Variants in HIVEP3 observed in about 807,000 individuals in gnomAD.
HIVEP3 encodes transcription factor HIVEP3.
In HIVEP3, 49 loss-of-function variants were observed where a neutral mutation model predicts 152.8. That is an observed-to-expected ratio of 0.32 (90% CI 0.26 to 0.41). The LOEUF is 0.41. Ranked by LOEUF, HIVEP3 falls within the 10% of genes least tolerant of loss-of-function variation. The pLI is 1.00. For synonymous variants in HIVEP3, 1,269 were observed against 1,289.0 expected (o/e 0.98, Z 0.33); for missense variants, 2,790 against 3,103.3 (o/e 0.90, Z 2.40).
chr1:41,524,636 C>T (rs1642848459), intron 6 of HIVEP3, 99 bp downstream of exon 6: 2 of 1,138,934 alleles, frequency 1.8e-6, no homozygotes, highest in Admixed American at 3.5e-5. Context: ...CTCCAGGCCC[C>T]CTGCAAAGAG....
intron 1 of HIVEP3, among the ~76,000 whole-genome samples, chr1:41,992,842 C>T (rs1407824722): frequency 3.0e-5 from 4 of 134,680 alleles, no homozygotes; most frequent in Non-Finnish European, 6.3e-5. Flanking sequence ...AGAAATAACG[C>T]CGCATATCTA....
Position 41,509,821 on chromosome 1 carries a change from G to GC in HIVEP3, c.*629dup, listed in dbSNP as rs1644422914. On this transcript the variant is annotated 3_prime_UTR_variant, in exon 9 of 9. Transcript: ENST00000372583. ...AGGAAAAGTATCATTTTATTTTCTTGCAAAAAAAAAAAAAAAAAAAAAAAA... is the reference window on the plus strand; with the variant it reads ...AGGAAAAGTATCATTTTATTTTCTTGCCAAAAAAAAAAAAAAAAAAAAAAAA... 2.8e-5 allele frequency: 1 copy of GC among 35,218 alleles called. No homozygotes were observed. The highest frequency in any genetic ancestry group is 1.2e-3 in the South Asian group (1 of 806). 2.2% of individuals were successfully genotyped at this position (35,218 alleles called of 1,614,324 possible).
intron 5 of HIVEP3, among the ~76,000 whole-genome samples, chr1:41,532,459 A>G (rs902568215): frequency 2.0e-5 from 3 of 152,146 alleles, no homozygotes; most frequent in African/African-American, 7.2e-5. Flanking sequence ...TTGGCCTTGA[A>G]CACCATGCTA....
At chr1:41,812,798 ACTC>A (rs1651043326) in intron 1 of HIVEP3, among the ~76,000 whole-genome samples, 1 of 139,060 alleles carries the variant, frequency 7.2e-6, no homozygotes. Flanking sequence ...CTGAGGGTGC[ACTC>A]CTCCTTGGGG....
At position 41,511,390 on chromosome 1, in the gene HIVEP3, G is replaced by C; in HGVS notation, c.6406-124C>G. On this transcript the variant is annotated intron_variant, in intron 8 of 8. Coordinates refer to ENST00000372583, the MANE Select transcript of HIVEP3 (RefSeq NM_024503.5). This position sits in a 1 kb window ranked among gnomAD's most constrained non-coding sequence, Gnocchi z 4.9. ...AGAGCGAGTCCAGGGTCCCGGCTGA[G>C]CTGAGCCCAGAACCAAGTTCCTGAC... 1.1e-6 allele frequency: 1 copy of C among 902,068 alleles called. No homozygotes were observed. 55.9% of individuals were successfully genotyped at this position (902,068 alleles called of 1,614,324 possible).
chr1:42,012,907 C>A (rs1645501487), intron 1 of HIVEP3, among the ~76,000 whole-genome samples: 1 of 152,172 alleles, frequency 6.6e-6, no homozygotes, highest in Non-Finnish European at 1.5e-5. Flanking sequence ...TTATAGCAGC[C>A]TGAACAGACC....
chr1:41,658,580 C>A (rs958444770), intron 2 of HIVEP3, among the ~76,000 whole-genome samples: 4 of 152,192 alleles, frequency 2.6e-5, no homozygotes, highest in African/African-American at 7.2e-5. Flanking sequence ...ACTTCACCCC[C>A]CCCATGAGCC....
At chr1:42,020,075 CT>C (rs933752659) in intron 1 of HIVEP3, among the ~76,000 whole-genome samples, 7 of 150,690 alleles carry the variant, frequency 4.6e-5, no homozygotes, top group African/African-American at 1.5e-4. Context: ...AATGTATTAT[CT>C]TTTTTATGTA....
chr1:41,588,249 G>A (rs1644534448), intron 3 of HIVEP3, among the ~76,000 whole-genome samples: 1 of 152,184 alleles, frequency 6.6e-6, no homozygotes, highest in East Asian at 1.9e-4. Flanking sequence ...TCAAGGGTTG[G>A]CTATACTTAC....
Position 41,533,461 on chromosome 1 carries a change from G to A in HIVEP3, c.5208-8551C>T, listed in dbSNP as rs1180149997. On this transcript the variant is annotated intron_variant, in intron 5 of 8. Transcript: ENST00000372583. The surrounding 1 kb of genome is among the most constrained non-coding windows in gnomAD (Gnocchi z 4.3). ...GCCCAAATCCCGGGCCAGCTCTGCT[G>A]TCCCTCTTTCCTGCACAGCCCGGAT... Among the ~76,000 whole-genome samples, 1 of 152,062 alleles carries A rather than the reference G, an allele frequency of 6.6e-6. No homozygotes were observed. The highest frequency in any genetic ancestry group is 1.5e-5 in the Non-Finnish European group (1 of 68,020).
At chr1:41,964,007 T>TA (rs1218146744) in intron 1 of HIVEP3, among the ~76,000 whole-genome samples, 1 of 152,160 alleles carries the variant, frequency 6.6e-6, no homozygotes, top group East Asian at 1.9e-4. Flanking sequence ...TCCAAGAAGA[T>TA]ATGTTGACGT....
intron 3 of HIVEP3, among the ~76,000 whole-genome samples, chr1:41,597,487 C>T (rs1006472006): frequency 6.6e-6 from 1 of 152,202 alleles, no homozygotes; most frequent in African/African-American, 2.4e-5. Flanking sequence ...GTATGTTACG[C>T]AAATTCACTC....
intron 1 of HIVEP3, among the ~76,000 whole-genome samples, chr1:41,841,781 A>G (rs986532241): frequency 1.3e-5 from 2 of 152,184 alleles, no homozygotes; most frequent in African/African-American, 4.8e-5. Flanking sequence ...TTGGTACATC[A>G]TAAGTACTGC....
At chr1:41,616,963 G>A (rs1031462498) in intron 3 of HIVEP3, among the ~76,000 whole-genome samples, 16 of 152,152 alleles carry the variant, frequency 1.1e-4, no homozygotes, top group African/African-American at 3.4e-4. Flanking sequence ...CTTTACCAAA[G>A]AGGAGTGTGA....
Position 41,880,120 on chromosome 1 carries a change from C to T in HIVEP3, c.-801+38293G>A, listed in dbSNP as rs544765395. On this transcript the variant is annotated intron_variant, in intron 1 of 8. Transcript: ENST00000372583. ...TGTTGCTCAAGCTGGAGTGTAGTGGCGTGATCATAGCCCACTGTAGCCTTC... is the reference window on the plus strand; with the variant it reads ...TGTTGCTCAAGCTGGAGTGTAGTGGTGTGATCATAGCCCACTGTAGCCTTC... Among the ~76,000 whole-genome samples, 13 of 152,180 alleles carry T rather than the reference C, an allele frequency of 8.5e-5. No homozygotes were observed. The South Asian group carries it at 1.0e-3, about 12-fold the overall frequency.
chr1:41,630,573 A>G (rs1040010676), intron 2 of HIVEP3, among the ~76,000 whole-genome samples: 5 of 152,206 alleles, frequency 3.3e-5, no homozygotes, highest in Admixed American at 2.6e-4. Context: ...AGCTTCCAGG[A>G]GCTGACAGCA....
chr1:41,624,735 T>C (rs912601485), intron 3 of HIVEP3, among the ~76,000 whole-genome samples: 1 of 152,200 alleles, frequency 6.6e-6, no homozygotes, highest in African/African-American at 2.4e-5. Flanking sequence ...TTGTTGGATA[T>C]TGTCACTGAT....
intron 1 of HIVEP3, among the ~76,000 whole-genome samples, chr1:41,999,035 A>G (rs1645411999): frequency 6.6e-6 from 1 of 151,424 alleles, no homozygotes. Flanking sequence ...AGCTGGGACT[A>G]CAGGTGCATG....
At chr1:41,901,124 A>G (rs1193033647) in intron 1 of HIVEP3, among the ~76,000 whole-genome samples, 2 of 152,020 alleles carry the variant, frequency 1.3e-5, no homozygotes, top group Non-Finnish European at 2.9e-5. Flanking sequence ...TAAGTGTAAC[A>G]GGTGGTGGAG....
Sources: gnomAD v4.1 joint callset for allele counts (sites outside exome capture counted in the v4.1 genomes callset) on GRCh38, gnomAD v4.1.1 for gene constraint, Gnocchi (gnomAD v3.1) non-coding constraint, MANE v1.5 for transcripts, NCBI Gene and HGNC (gene_info 2026-07-23, HGNC 2026-07-21) for gene names.